Variants in CHUK observed in about 807,000 individuals in gnomAD.
CHUK encodes the protein inhibitor of nuclear factor kappa-B kinase subunit alpha.
A neutral mutation model predicts 104.8 loss-of-function variants in CHUK; 35 were observed. The observed-to-expected ratio is 0.33, with a 90% confidence interval of 0.26 to 0.44. The LOEUF (loss-of-function observed/expected upper bound fraction) is 0.44, where lower values mean the gene tolerates loss of function less well. CHUK is among the 20% of genes least tolerant of loss of function. The pLI is 1.00. For missense variants in CHUK, 663 were observed against 902.7 expected (o/e 0.73, Z 3.40); for synonymous variants, 276 against 291.9 (o/e 0.95, Z 0.56).
At chr10:100,190,572 C>G in intron 20 of CHUK, 2 of 391,238 alleles carry the variant, frequency 5.1e-6, no homozygotes, top group South Asian at 5.2e-5. Flanking sequence ...ATTGCTGAAG[C>G]AAAAAGGTAC....
chr10:100,228,491 T>C (rs1274952790), intron 1 of CHUK, among the ~76,000 whole-genome samples: 1 of 152,024 alleles, frequency 6.6e-6, no homozygotes, highest in Non-Finnish European at 1.5e-5. Context: ...CCGTCTCTAC[T>C]AAAAATACAA....
chr10:100,212,813 T>G (rs1845759162), intron 9 of CHUK, among the ~76,000 whole-genome samples: 1 of 151,926 alleles, frequency 6.6e-6, no homozygotes, highest in Non-Finnish European at 1.5e-5. Flanking sequence ...AAGACCAGCC[T>G]GGCCAACATG....
intron 9 of CHUK, among the ~76,000 whole-genome samples, chr10:100,210,176 C>T (rs1205476026): frequency 2.0e-5 from 3 of 149,104 alleles, no homozygotes; most frequent in African/African-American, 7.4e-5. Context: ...CAAGCTCCGC[C>T]TCCCGGGTTC....
rs774723210 is a variant in CHUK, at chr10:100,199,976, G to A, written c.1724C>T (p.Pro575Leu). The A allele has an allele frequency of 4.8e-5, 77 of 1,610,554 alleles. No homozygotes were observed. The highest frequency in any genetic ancestry group is 6.3e-5 in the Non-Finnish European group (74 of 1,177,062). ...IDLYKQLKHRPSDHSYSDSTE... is the reference protein window; with the variant it reads ...IDLYKQLKHRLSDHSYSDSTE... ...CTGTGGTAGAAGTGTCTTACCTGAAGGTCTGTGTTTTAACTGCTTATATAG... is the reference window on the plus strand; with the variant it reads ...CTGTGGTAGAAGTGTCTTACCTGAAAGTCTGTGTTTTAACTGCTTATATAG... Residue 575 changes from proline to leucine, a missense_variant, in exon 16 of 21, where the codon CCT becomes CTT. By Grantham distance (98) the Pro-to-Leu change is moderately conservative. Around this residue, in one of 5 missense-constraint regions of CHUK, gnomAD observed 311 missense variants for 393.4 expected, o/e 0.79. Transcript: ENST00000370397.
intron 9 of CHUK, among the ~76,000 whole-genome samples, chr10:100,216,789 A>G (rs1411221388): frequency 2.0e-5 from 3 of 152,226 alleles, no homozygotes; most frequent in Non-Finnish European, 4.4e-5. Context: ...TAATAGAACT[A>G]TCTATAGCTC....
intron 20 of CHUK, chr10:100,190,148 A>G (rs1332653331): frequency 6.5e-6 from 1 of 154,804 alleles, no homozygotes; most frequent in African/African-American, 2.4e-5. Context: ...CAGCCTCCCA[A>G]GTAGCTGGGA....
At chr10:100,197,961 A>C (rs1454101679) in intron 16 of CHUK, among the ~76,000 whole-genome samples, 1 of 152,202 alleles carries the variant, frequency 6.6e-6, no homozygotes, top group Non-Finnish European at 1.5e-5. Context: ...ATCACCACTA[A>C]TCTCATCAGA....
chr10:100,189,524 A>G lies in CHUK; in HGVS notation c.*74T>C. 1 of 1,193,970 alleles carries G rather than the reference A, an allele frequency of 8.4e-7. No individual in the cohort carries two copies. The highest frequency in any genetic ancestry group is 1.7e-5 in the Admixed American group (1 of 59,440). The allele number at this position is 1,193,970 out of a possible 1,614,324, so 74.0% of individuals were successfully genotyped here. On this transcript the variant is annotated 3_prime_UTR_variant, in exon 21 of 21. Transcript: ENST00000370397. ...TGACTGATGTCTGAAGAATGGTTTC[A>G]TGGGGGAAAAACACATTTCCAACAT...
chr10:100,219,428 C>T, intron 5 of CHUK, 69 bp from the exon 6 acceptor site: 1 of 906,324 alleles, frequency 1.1e-6, no homozygotes, highest in Non-Finnish European at 1.8e-6. Context: ...CAACAATATC[C>T]TTACGAGGCT....
At position 100,202,151 on chromosome 10, in the gene CHUK, TAAAAG is replaced by T. The variant is rs1221432052; in HGVS notation, c.1508-7_1508-3del. On this transcript the variant is annotated splice_polypyrimidine_tract_variant and splice_region_variant and intron_variant, in intron 13 of 20. Transcript: ENST00000370397. ...ATGCTTTTAGCATTTTTTCTGAAGC[TAAAAG>T]AAAAGTCTAAATTGGTTATCTCAGA... 1 of 1,607,122 alleles carries T rather than the reference TAAAAG, an allele frequency of 6.2e-7. No individual in the cohort carries two copies. The highest frequency in any genetic ancestry group is 8.5e-7 in the Non-Finnish European group (1 of 1,174,326).
chr10:100,212,398 G>A (rs969948172), intron 9 of CHUK, among the ~76,000 whole-genome samples: 1 of 152,114 alleles, frequency 6.6e-6, no homozygotes, highest in Non-Finnish European at 1.5e-5. Flanking sequence ...AAGAGTTGTT[G>A]AGCACCTTTT....
At chr10:100,208,943 G>A (rs959463436) in intron 10 of CHUK, among the ~76,000 whole-genome samples, 1 of 152,098 alleles carries the variant, frequency 6.6e-6, no homozygotes, top group African/African-American at 2.4e-5. Context: ...TTTATTGGGG[G>A]TCTGAAGAAA....
chr10:100,210,705 C>G (rs35152300), intron 9 of CHUK, among the ~76,000 whole-genome samples: 11,433 of 152,186 alleles, frequency 0.075, 582 homozygotes, highest in African/African-American at 0.14. Flanking sequence ...CATTGTTATG[C>G]GTGGTGAGTT....
chr10:100,190,623 G>T, intron 20 of CHUK: 1 of 516,852 alleles, frequency 1.9e-6, no homozygotes, highest in South Asian at 2.0e-5. Flanking sequence ...TTGTGAAGAA[G>T]CTTACCACTC....
intron 9 of CHUK, among the ~76,000 whole-genome samples, chr10:100,212,921 G>A (rs536754194): frequency 2.7e-5 from 4 of 149,896 alleles, no homozygotes; most frequent in Admixed American, 2.0e-4. Flanking sequence ...CAGGAGAATC[G>A]CCTGAACCTG....
chr10:100,189,393 CCTGT>C lies in CHUK; in HGVS notation c.*201_*204del. On this transcript the variant is annotated 3_prime_UTR_variant, in exon 21 of 21. Coordinates refer to ENST00000370397, the MANE Select transcript of CHUK (RefSeq NM_001278.5). ...CAAGTACATTGACTTTTTCTAAATT[CCTGT>C]CTGTTTAGAGGCTTGAATTACTCAA... is the stretch of plus-strand genomic sequence containing the variant. 1 of 538,890 alleles carries C rather than the reference CCTGT, an allele frequency of 1.9e-6. No homozygotes were observed. Among genetic ancestry groups the C allele is most frequent in the Non-Finnish European group, 3.3e-6 (1 of 299,784 alleles). The allele number at this position is 538,890 out of a possible 1,614,324, so 33.4% of individuals were successfully genotyped here.
rs892062104 is a variant in CHUK at position 100,211,155 on chromosome 10, C to A, written c.934-1366G>T. On this transcript the variant is annotated intron_variant, in intron 9 of 20. Transcript: ENST00000370397. ...AGACACAAAACTATAGACAACAGTA[C>A]AATAAGCCCCCTCCCAACCCTGTGA... Among the ~76,000 whole-genome samples the A allele has an allele frequency of 2.2e-4, 33 of 152,234 alleles. 1 individual carries two copies. The highest frequency in any genetic ancestry group is 7.9e-4 in the African/African-American group (33 of 41,560).
intron 1 of CHUK, among the ~76,000 whole-genome samples, chr10:100,226,745 A>T (rs1350736057): frequency 1.3e-5 from 2 of 152,256 alleles, no homozygotes; most frequent in Admixed American, 1.3e-4. Flanking sequence ...AGAGTTCAAA[A>T]GAATTTCCAA....
At chr10:100,193,017 G>A in intron 19 of CHUK, 1 of 429,818 alleles carries the variant, frequency 2.3e-6, no homozygotes, top group Non-Finnish European at 4.3e-6. Context: ...AGCAACATTT[G>A]AGCTAATAAT....
Sources: gnomAD v4.1 joint callset for allele counts (sites outside exome capture counted in the v4.1 genomes callset) on GRCh38, gnomAD v4.1.1 for gene constraint, gnomAD v4.1.1 regional missense constraint, MANE v1.5 for transcripts, NCBI Gene and HGNC (gene_info 2026-07-23, HGNC 2026-07-21) for gene names.